LGALS3: variants seen among roughly 807,000 people sequenced by gnomAD.
LGALS3 encodes the protein galectin-3.
Under a neutral mutation model 20.7 loss-of-function variants are expected in LGALS3, and 18 were observed. The ratio of observed to expected loss-of-function variants is 0.87; its 90% CI spans 0.60 to 1.29. LGALS3 has a LOEUF of 1.29. LGALS3 is among the 50% of genes most tolerant of loss of function. The pLI is 0.00. For missense variants in LGALS3, 315 were observed against 314.7 expected, an observed-to-expected ratio of 1.00 and a Z score of -0.01; for synonymous variants, 112 against 119.6, an observed-to-expected ratio of 0.94 and a Z score of 0.42.
At chr14:55,137,898 T>A in intron 2 of LGALS3, 147 bp from the exon 3 acceptor site, 1 of 1,327,862 alleles carries the variant, frequency 7.5e-7, no homozygotes. Flanking sequence ...AAACTCAAAC[T>A]ATTAATAAGT....
rs1555380400 is a variant in LGALS3, at chr14:55,137,359, G to A, written c.-4-11G>A. The A allele has an allele frequency of 1.9e-6, 3 of 1,612,986 alleles. No homozygotes were observed. The highest frequency in any genetic ancestry group is 1.1e-5 in the South Asian group (1 of 91,060). On this transcript the variant is annotated splice_polypyrimidine_tract_variant and intron_variant, in intron 1 of 5. Coordinates refer to ENST00000254301, the MANE Select transcript of LGALS3 (RefSeq NM_002306.4). ...CTTTTAGGATAAAATGATAATCTTT[G>A]TTTCTTTCAGGAAAATGGCAGACAA... is the stretch of plus-strand genomic sequence containing the variant.
chr14:55,136,940 A>G (rs1046867662), intron 1 of LGALS3, among the ~76,000 whole-genome samples: 1 of 151,966 alleles, frequency 6.6e-6, no homozygotes, highest in Non-Finnish European at 1.5e-5. Context: ...CTTCACACCT[A>G]GATAGGAGCC....
rs765807709 is a variant in LGALS3, at chr14:55,137,416, C to A, written c.18+25C>A. 4.3e-6 allele frequency: 7 copies of A among 1,614,162 alleles called. No homozygotes were observed. In the East Asian group the frequency reaches 1.6e-4, roughly 36 times the overall value. The stretch of plus-strand genomic sequence containing the variant: ...GGTAAGTGTTTTATGCCTGTTTCTT[C>A]CCCTTGATCAGCTCCACATGGTTGA... On this transcript the variant is annotated intron_variant, in intron 2 of 5. Coordinates refer to ENST00000254301, the MANE Select transcript of LGALS3 (RefSeq NM_002306.4).
chr14:55,130,749 G>A, intron 1 of LGALS3, among the ~76,000 whole-genome samples: 1 of 131,990 alleles, frequency 7.6e-6, no homozygotes, highest in South Asian at 2.5e-4. Context: ...CGTGGTGGTG[G>A]TGGTGGGGGG....
chr14:55,141,393 G>A lies in LGALS3; in HGVS notation c.431+1030G>A, dbSNP rs566116383. Among the ~76,000 whole-genome samples the A allele has an allele frequency of 3.9e-5, 6 of 152,200 alleles. No homozygotes were observed. In the East Asian group the frequency reaches 5.8e-4, roughly 15 times the overall value. The stretch of plus-strand genomic sequence containing the variant: ...TCCTCCCAACATCACATAGAACCCA[G>A]CACACCTTATCCTGTGCACACAGCA... On this transcript the variant is annotated intron_variant, in intron 4 of 5. Transcript: ENST00000254301.
rs370418608 is a variant in LGALS3 at position 55,140,326 on chromosome 14, A to T, written c.394A>T (p.Ile132Leu). The stretch of plus-strand genomic sequence containing the variant: ...TGGGGGAGTGGTGCCTCGCATGCTG[A>T]TAACAATTCTGGGCACGGTGAAGCC... ...LPGGVVPRMLITILGTVKPNA... is the reference protein window; with the variant it reads ...LPGGVVPRMLLTILGTVKPNA... The change falls in exon 4 of 6, where the codon ATA (isoleucine) becomes TTA (leucine). Residue 132 changes from isoleucine (I) to leucine (L), a missense_variant. Transcript: ENST00000254301. 1.2e-6 allele frequency: 2 copies of T among 1,613,840 alleles called. No individual in the cohort carries two copies. The highest frequency in any genetic ancestry group is 2.7e-5 in the African/African-American group (2 of 75,064).
rs1258164395 is a variant in LGALS3, at chr14:55,129,622, C to T, written c.-5+322C>T. ...GTGGGCTTCGCCGCCGTCGCACCTCCGCCGCCTGCGCTCTGCGGCCCCAGA... is the reference window on the plus strand; with the variant it reads ...GTGGGCTTCGCCGCCGTCGCACCTCTGCCGCCTGCGCTCTGCGGCCCCAGA... On this transcript the variant is annotated intron_variant, in intron 1 of 5. Transcript: ENST00000254301. The surrounding 1 kb of genome is among the most constrained non-coding windows in gnomAD (Gnocchi z 5.3). 6.6e-6 allele frequency among the ~76,000 whole-genome samples: 1 copy of T among 152,210 alleles called. No individual in the cohort carries two copies. The highest frequency in any genetic ancestry group is 1.5e-5 in the Non-Finnish European group (1 of 68,024).
intron 1 of LGALS3, among the ~76,000 whole-genome samples, chr14:55,130,374 G>C (rs997183057): frequency 4.6e-5 from 7 of 152,140 alleles, no homozygotes; most frequent in Admixed American, 4.6e-4. Flanking sequence ...TCTGGGAATT[G>C]GGTTGCTGCG....
At chr14:55,140,728 G>A (rs1692346456) in intron 4 of LGALS3, among the ~76,000 whole-genome samples, 1 of 152,174 alleles carries the variant, frequency 6.6e-6, no homozygotes, top group Non-Finnish European at 1.5e-5. Flanking sequence ...ATCAGTGGCA[G>A]GCCTGGGAAC....
At chr14:55,143,362 A>C (rs1228003169) in intron 5 of LGALS3, 4 of 310,408 alleles carry the variant, frequency 1.3e-5, no homozygotes, top group Non-Finnish European at 2.5e-5. Flanking sequence ...ACAGGGACAA[A>C]TAAGGACCAC....
At chr14:55,137,329 G>A in intron 1 of LGALS3, 41 bp from the exon 2 acceptor site, 1 of 1,593,208 alleles carries the variant, frequency 6.3e-7, no homozygotes, top group Non-Finnish European at 8.6e-7. Context: ...GGAAATTGGT[G>A]AAAGCTTTTA....
At chr14:55,137,573 A>G in intron 2 of LGALS3, 182 bp downstream of exon 2, 1 of 1,518,564 alleles carries the variant, frequency 6.6e-7, no homozygotes. Context: ...TTTGGGAAGA[A>G]AGCCAGGCAG....
At chr14:55,140,165 G>C (rs1271469548) in intron 3 of LGALS3, 110 bp from the exon 4 acceptor site, 2 of 700,502 alleles carry the variant, frequency 2.9e-6, no homozygotes, top group African/African-American at 3.6e-5. Context: ...GCATATACTA[G>C]AGTTATGTGT....
intron 1 of LGALS3, among the ~76,000 whole-genome samples, chr14:55,131,181 CCTCA>C (rs1323463751): frequency 2.0e-5 from 3 of 152,192 alleles, no homozygotes; most frequent in South Asian, 2.1e-4. Flanking sequence ...TAGGAGGATG[CCTCA>C]CTAAGTTACG....
intron 2 of LGALS3, 161 bp from the exon 3 acceptor site, chr14:55,137,884 T>C (rs1881460552): frequency 3.8e-6 from 5 of 1,320,898 alleles, no homozygotes; most frequent in Non-Finnish European, 2.9e-6. Context: ...AATTTTAGTC[T>C]TAGAAACTCA....
chr14:55,144,764 C>T (rs1456582630), intron 5 of LGALS3, among the ~76,000 whole-genome samples: 2 of 152,028 alleles, frequency 1.3e-5, no homozygotes, highest in African/African-American at 2.4e-5. Flanking sequence ...TGGGGTTTCA[C>T]TGTGTTAGCC....
chr14:55,138,157 C>T lies in LGALS3; in HGVS notation c.131C>T (p.Ala44Val), dbSNP rs1021922683. 1.2e-6 allele frequency: 2 copies of T among 1,602,220 alleles called. No homozygotes were observed. The highest frequency in any genetic ancestry group is 2.7e-5 in the African/African-American group (2 of 74,266). ...GGYPGASYPG[A>V]YPGQAPPGAY... is the part of the protein sequence containing the mutation. ...TACCCAGGGGCTTCCTATCCTGGGG[C>T]CTACCCCGGGCAGGCACCCCCAGGG... Residue 44 changes from alanine (A) to valine (V), a missense_variant, in exon 3 of 6, where the codon GCC becomes GTC. Transcript: ENST00000254301.
chr14:55,143,453 C>G, intron 5 of LGALS3: 2 of 362,810 alleles, frequency 5.5e-6, no homozygotes, highest in South Asian at 4.0e-5. Context: ...GACAGAGTCT[C>G]GCTCTGTCGC....
intron 3 of LGALS3, among the ~76,000 whole-genome samples, chr14:55,138,805 G>C (rs1179374413): frequency 6.6e-6 from 1 of 152,082 alleles, no homozygotes; most frequent in East Asian, 1.9e-4. Context: ...GAGGAACCAG[G>C]GTAATCTGGT....
Sources: gnomAD v4.1 joint callset for allele counts (sites outside exome capture counted in the v4.1 genomes callset) on GRCh38, gnomAD v4.1.1 for gene constraint, Gnocchi (gnomAD v3.1) non-coding constraint, MANE v1.5 for transcripts, NCBI Gene and HGNC (gene_info 2026-07-23, HGNC 2026-07-21) for gene names.